SKAP1: variants seen among roughly 807,000 people sequenced by gnomAD.
SKAP1 encodes the protein src kinase associated phosphoprotein 1.
A neutral mutation model predicts 58.5 loss-of-function variants in SKAP1; 44 were observed. The observed-to-expected ratio is 0.75, with a 90% CI of 0.59 to 0.97. SKAP1 has a LOEUF of 0.97. Among genes scored for constraint, SKAP1 ranks in the 50% least tolerant of loss-of-function variants. SKAP1 has a pLI of 0.00. For synonymous variants in SKAP1, 127 were observed against 149.7 expected, an observed-to-expected ratio of 0.85 and a Z score of 1.11; for missense variants, 390 against 435.2, an observed-to-expected ratio of 0.90 and a Z score of 0.92.
At chr17:48,383,261 A>C (rs1308007470) in intron 2 of SKAP1, among the ~76,000 whole-genome samples, 1 of 152,214 alleles carries the variant, frequency 6.6e-6, no homozygotes, top group Non-Finnish European at 1.5e-5. Context: ...ACTTTGGAAA[A>C]GTAGTCTGAC....
Position 48,428,102 on chromosome 17 carries a change from T to C in SKAP1, c.46+1973A>G, listed in dbSNP as rs528234530. 2.6e-5 allele frequency among the ~76,000 whole-genome samples: 4 copies of C among 152,172 alleles called. No homozygotes were observed. In the South Asian group the frequency reaches 8.3e-4, roughly 32 times the overall value. Reference sequence around the variant, plus strand: ...ATTACAGGAACCTTTAAAAAACATATCTTCAAACATTTTTCAATAGAATTA... The same window carrying C: ...ATTACAGGAACCTTTAAAAAACATACCTTCAAACATTTTTCAATAGAATTA... On this transcript the variant is annotated intron_variant, in intron 1 of 12. Coordinates refer to ENST00000336915, the MANE Select transcript of SKAP1 (RefSeq NM_003726.4).
chr17:48,158,053 T>C (rs1183484695), intron 11 of SKAP1, among the ~76,000 whole-genome samples: 2 of 151,232 alleles, frequency 1.3e-5, no homozygotes, highest in Non-Finnish European at 2.9e-5. Flanking sequence ...GGTGCAAGCC[T>C]GTAATCTCAG....
chr17:48,428,961 T>C (rs1177617150), intron 1 of SKAP1, among the ~76,000 whole-genome samples: 1 of 152,124 alleles, frequency 6.6e-6, no homozygotes, highest in African/African-American at 2.4e-5. Context: ...CAATCCAGAA[T>C]GGAAATAGTG....
chr17:48,294,463 C>G (rs992588985), intron 4 of SKAP1: 3 of 152,174 alleles, frequency 2.0e-5, no homozygotes, highest in Admixed American at 6.6e-5. Flanking sequence ...CAATCTACGA[C>G]AACAGAGACA....
At chr17:48,163,640 G>T (rs2064099391) in intron 10 of SKAP1, among the ~76,000 whole-genome samples, 1 of 152,126 alleles carries the variant, frequency 6.6e-6, no homozygotes, top group African/African-American at 2.4e-5. Context: ...GATTTTGGGG[G>T]ACTCTGTTCT....
At chr17:48,284,898 C>T (rs1195784858) in intron 4 of SKAP1, among the ~76,000 whole-genome samples, 6 of 152,162 alleles carry the variant, frequency 3.9e-5, no homozygotes, top group Non-Finnish European at 5.9e-5. Context: ...AAACTCTGAT[C>T]AGGTTACCAG....
At chr17:48,360,546 T>A (rs2066922400) in intron 3 of SKAP1, among the ~76,000 whole-genome samples, 1 of 152,124 alleles carries the variant, frequency 6.6e-6, no homozygotes, top group Admixed American at 6.5e-5. Context: ...AAAAATTAAG[T>A]AGAAATTTTT....
At chr17:48,265,074 C>T (rs540607114) in intron 4 of SKAP1, among the ~76,000 whole-genome samples, 58 of 152,266 alleles carry the variant, frequency 3.8e-4, no homozygotes, top group African/African-American at 1.3e-3. Context: ...AAACAATATA[C>T]ACTTTTTATA....
chr17:48,171,231 C>A (rs1209905694), intron 9 of SKAP1, among the ~76,000 whole-genome samples: 1 of 151,034 alleles, frequency 6.6e-6, no homozygotes, highest in African/African-American at 2.4e-5. Flanking sequence ...CTCAGCCTCC[C>A]GAGTAGCTGG....
chr17:48,417,471 G>A (rs1321398233), intron 1 of SKAP1, among the ~76,000 whole-genome samples: 1 of 152,214 alleles, frequency 6.6e-6, no homozygotes, highest in Non-Finnish European at 1.5e-5. Flanking sequence ...ATGGCCAGGT[G>A]CAGTGGCTAA....
chr17:48,157,850 CCAGT>C (rs753857760), intron 11 of SKAP1, among the ~76,000 whole-genome samples: 7 of 151,442 alleles, frequency 4.6e-5, no homozygotes, highest in Non-Finnish European at 1.0e-4. Flanking sequence ...TCTTTCTTGC[CCAGT>C]CAATCATCTT....
intron 1 of SKAP1, among the ~76,000 whole-genome samples, chr17:48,405,449 C>T (rs201510076): frequency 0.068 from 4,417 of 64,726 alleles, 43 homozygotes; most frequent in South Asian, 0.12. Context: ...TTCTTTCTTT[C>T]TTTTCTTTCT....
At chr17:48,428,716 G>C (rs2067879127) in intron 1 of SKAP1, among the ~76,000 whole-genome samples, 1 of 152,160 alleles carries the variant, frequency 6.6e-6, no homozygotes, top group South Asian at 2.1e-4. Context: ...TTTTGCCACA[G>C]TCCCTTCTTT....
intron 1 of SKAP1, among the ~76,000 whole-genome samples, chr17:48,412,752 G>A (rs566716587): frequency 6.6e-6 from 1 of 152,142 alleles, no homozygotes; most frequent in East Asian, 1.9e-4. Flanking sequence ...AATTATAGTT[G>A]TGCATACTAA....
intron 2 of SKAP1, among the ~76,000 whole-genome samples, chr17:48,369,172 AATAAATAT>A (rs1212779280): frequency 3.1e-5 from 4 of 130,772 alleles, no homozygotes; most frequent in African/African-American, 9.2e-5. Flanking sequence ...TAAATAAATA[AATAAATAT>A]AAAATAAAGA....
intron 4 of SKAP1, among the ~76,000 whole-genome samples, chr17:48,296,472 C>T (rs925525743): frequency 9.9e-5 from 15 of 152,176 alleles, no homozygotes; most frequent in Admixed American, 2.0e-4. Flanking sequence ...GTAATACCCA[C>T]GACTGGCATA....
intron 4 of SKAP1, among the ~76,000 whole-genome samples, chr17:48,332,062 T>C (rs2066513540): frequency 6.7e-6 from 1 of 150,020 alleles, no homozygotes; most frequent in South Asian, 2.1e-4. Flanking sequence ...TTGTAATGCC[T>C]TTTTAAAAAC....
chr17:48,183,160 G>A (rs2064393248), intron 7 of SKAP1, among the ~76,000 whole-genome samples: 1 of 152,172 alleles, frequency 6.6e-6, no homozygotes, highest in South Asian at 2.1e-4. Flanking sequence ...AGCAAAAGGA[G>A]TGGGGGATTC....
At chr17:48,238,264 G>A (rs1598457181) in intron 4 of SKAP1, among the ~76,000 whole-genome samples, 1 of 152,116 alleles carries the variant, frequency 6.6e-6, no homozygotes, top group Non-Finnish European at 1.5e-5. Context: ...AAAATGCTGG[G>A]ATTACAGGCT....
Sources: allele counts gnomAD v4.1 joint callset (sites outside exome capture counted in the v4.1 genomes callset), GRCh38; gene constraint gnomAD v4.1.1; transcripts MANE v1.5; gene names NCBI Gene and HGNC (gene_info 2026-07-23, HGNC 2026-07-21).